The following UNKL variants were observed in gnomAD, a reference collection of about 807,000 sequenced individuals.
The protein encoded by UNKL is putative E3 ubiquitin-protein ligase UNKL.
A neutral mutation model predicts 78.0 loss-of-function variants in UNKL; 60 were observed. The observed-to-expected ratio is 0.77, with a 90% CI of 0.63 to 0.95. The LOEUF (loss-of-function observed/expected upper bound fraction) is 0.95. UNKL is among the 40% of genes least tolerant of loss of function. The pLI is 0.00. For synonymous variants in UNKL, 608 were observed against 474.8 expected, an observed-to-expected ratio of 1.28 and a Z score of -3.65; for missense variants, 1,159 against 1,045.7, an observed-to-expected ratio of 1.11 and a Z score of -1.49.
At chr16:1,395,630 G>C (rs1355672409) in intron 6 of UNKL, 3 of 448,614 alleles carry the variant, frequency 6.7e-6, no homozygotes, top group East Asian at 7.1e-5. Context: ...TGCCTCGGAA[G>C]AGTCCTTGTT....
chr16:1,378,854 G>A (rs1055047775), intron 10 of UNKL: 12 of 152,294 alleles, frequency 7.9e-5, no homozygotes, highest in African/African-American at 2.7e-4. Flanking sequence ...ATCAAGGGGG[G>A]AGACGGCTGC....
At chr16:1,407,741 A>G (rs1420817728) in intron 2 of UNKL, among the ~76,000 whole-genome samples, 1 of 151,450 alleles carries the variant, frequency 6.6e-6, no homozygotes, top group Non-Finnish European at 1.5e-5. Context: ...TCAATCTGGA[A>G]AAGTGGCACC....
At chr16:1,391,533 G>C (rs574473992) in intron 8 of UNKL, among the ~76,000 whole-genome samples, 1 of 151,440 alleles carries the variant, frequency 6.6e-6, no homozygotes, top group African/African-American at 2.4e-5. Flanking sequence ...TCCTGACCTC[G>C]AGCGATTGTC....
At chr16:1,375,488 C>T (rs576451298) in intron 10 of UNKL, among the ~76,000 whole-genome samples, 15 of 152,348 alleles carry the variant, frequency 9.8e-5, no homozygotes, top group African/African-American at 3.6e-4. Flanking sequence ...CAACACTGTC[C>T]TTCCCCATCC....
chr16:1,394,002 C>T (rs1012102962), intron 7 of UNKL, 129 bp downstream of exon 7: 1 of 925,376 alleles, frequency 1.1e-6, no homozygotes, highest in Non-Finnish European at 1.6e-6. Flanking sequence ...CAGCCCCCAA[C>T]CACGGTGCTG....
In UNKL at chr16:1,364,723, C is replaced by G. The variant is rs538974500; in HGVS notation, c.*1517G>C. 5.2e-5 allele frequency: 8 copies of G among 152,400 alleles called. No individual in the cohort carries two copies. The highest frequency in any genetic ancestry group is 1.7e-4 in the African/African-American group (7 of 41,594). The allele number at this position is 152,400 out of a possible 1,614,324, so 9.4% of individuals were successfully genotyped here. A position where few individuals can be genotyped will look rare whatever the true frequency, so the allele number is the denominator to read the frequency against. ...GCCACTGAGAGGCTGTGGCCGGGTC[C>G]TCTCCTGTGACCTCACTGGCCACAT... On this transcript the variant is annotated 3_prime_UTR_variant, in exon 15 of 15. Transcript: ENST00000389221.
At chr16:1,370,558 T>A (rs1004041144) in intron 11 of UNKL, among the ~76,000 whole-genome samples, 1 of 152,122 alleles carries the variant, frequency 6.6e-6, no homozygotes, top group African/African-American at 2.4e-5. Context: ...CCAACACAGC[T>A]GGGCAAGCCA....
chr16:1,386,215 C>A (rs1437204906), intron 9 of UNKL, among the ~76,000 whole-genome samples: 1 of 151,658 alleles, frequency 6.6e-6, no homozygotes, highest in Non-Finnish European at 1.5e-5. Flanking sequence ...TCGAGACCAG[C>A]CTGGCCAACA....
chr16:1,389,226 G>A (rs2036946349), intron 9 of UNKL, among the ~76,000 whole-genome samples: 1 of 152,136 alleles, frequency 6.6e-6, no homozygotes, highest in African/African-American at 2.4e-5. Flanking sequence ...AAATTCCTAC[G>A]TGGAAGCCTT....
chr16:1,387,630 G>A lies in UNKL; in HGVS notation c.1087-2245C>T, dbSNP rs1455078325. 2.0e-5 allele frequency among the ~76,000 whole-genome samples: 3 copies of A among 152,146 alleles called. No individual in the cohort carries two copies. Among genetic ancestry groups the A allele is most frequent in the Non-Finnish European group, 4.4e-5 (3 of 68,006 alleles). ...AGCAAGGGGTGAGTGACGTGGGGCG[G>A]TCTGCTGAGCTCACCGCATCCAGCA... On this transcript the variant is annotated intron_variant, in intron 9 of 14. Coordinates refer to ENST00000389221, the MANE Select transcript of UNKL (RefSeq NM_001372107.1). The surrounding 1 kb of genome is among the most constrained non-coding windows in gnomAD (Gnocchi z 4.1).
chr16:1,398,681 A>AACCCCCC, intron 5 of UNKL: 11 of 694,532 alleles, frequency 1.6e-5, no homozygotes, highest in South Asian at 6.5e-5. Context: ...TGGGGTCTGC[A>AACCCCCC]CCCCCCCACC....
chr16:1,369,359 G>A (rs569690380), intron 12 of UNKL, among the ~76,000 whole-genome samples: 9 of 150,308 alleles, frequency 6.0e-5, no homozygotes, highest in East Asian at 2.0e-4. Context: ...GAGCCACCAC[G>A]CCGGGCCTTT....
intron 4 of UNKL, among the ~76,000 whole-genome samples, chr16:1,400,158 C>T (rs970335144): frequency 2.6e-5 from 4 of 152,100 alleles, no homozygotes; most frequent in Non-Finnish European, 4.4e-5. Context: ...TGGTGGCTCA[C>T]GCCTGTTATC....
Position 1,399,105 on chromosome 16 carries a change from C to T in UNKL, c.734+269G>A. ...TGGGCTTGGGGTCCCTCCTGCAGTGCTCCGTCCCCTTGCCTGGCAGAGGGG... is the reference window on the plus strand; with the variant it reads ...TGGGCTTGGGGTCCCTCCTGCAGTGTTCCGTCCCCTTGCCTGGCAGAGGGG... On this transcript the variant is annotated intron_variant, in intron 5 of 14. Coordinates refer to ENST00000389221, the MANE Select transcript of UNKL (RefSeq NM_001372107.1). The surrounding 1 kb of genome is among the most constrained non-coding windows in gnomAD (Gnocchi z 5.8). 1 of 1,216,784 alleles carries T rather than the reference C, an allele frequency of 8.2e-7. No individual in the cohort carries two copies. Among genetic ancestry groups the T allele is most frequent in the East Asian group, 2.6e-5 (1 of 38,268 alleles). The allele number at this position is 1,216,784 out of a possible 1,614,324, so 75.4% of individuals were successfully genotyped here. A position where few individuals can be genotyped will look rare whatever the true frequency, so the allele number is the denominator to read the frequency against.
intron 2 of UNKL, chr16:1,408,674 A>AC (rs1298210032): frequency 6.6e-6 from 1 of 152,408 alleles, no homozygotes; most frequent in African/African-American, 2.4e-5. Flanking sequence ...GGCTGCCCCC[A>AC]GGGGGGGCTG....
intron 10 of UNKL, chr16:1,379,576 G>C (rs2036499710): frequency 2.0e-6 from 2 of 985,198 alleles, no homozygotes; most frequent in South Asian, 9.4e-5. Context: ...CCTGACCGCC[G>C]AGTAACGAGA....
chr16:1,398,446 G>A (rs140067284), intron 5 of UNKL: 33,254 of 1,117,972 alleles, frequency 0.03, 580 homozygotes, highest in Middle Eastern at 0.042. Context: ...TTCTACAGCC[G>A]TTCAGGTCCT....
chr16:1,393,522 C>T (rs1054581343), intron 7 of UNKL, among the ~76,000 whole-genome samples: 2 of 152,190 alleles, frequency 1.3e-5, no homozygotes, highest in East Asian at 1.9e-4. Context: ...TGGAGGAGGC[C>T]GCGTGGGTTC....
chr16:1,369,847 C>T (rs549701567), intron 12 of UNKL: 20 of 1,174,912 alleles, frequency 1.7e-5, no homozygotes, highest in East Asian at 1.3e-4. Flanking sequence ...TGGTGGCGCC[C>T]GCCTGTAGTC....
Sources: allele counts gnomAD v4.1 joint callset (sites outside exome capture counted in the v4.1 genomes callset), GRCh38; gene constraint gnomAD v4.1.1; non-coding constraint Gnocchi (gnomAD v3.1); transcripts MANE v1.5; gene names NCBI Gene and HGNC (gene_info 2026-07-23, HGNC 2026-07-21).